Variants in COL4A4 observed in about 807,000 individuals in gnomAD.
COL4A4 encodes collagen type IV alpha 4 chain.
COL4A4 carries 105 observed loss-of-function variants against 192.9 expected under a neutral mutation model. The observed-to-expected ratio is 0.54, with a 90% CI of 0.46 to 0.64. The LOEUF (loss-of-function observed/expected upper bound fraction) is 0.64. Among genes scored for constraint, COL4A4 ranks in the 30% least tolerant of loss-of-function variants. The pLI, the probability that COL4A4 is intolerant of heterozygous loss-of-function variation, is 0.00. For synonymous variants in COL4A4, 762 were observed against 769.9 expected (o/e 0.99, Z 0.17); for missense variants, 1,967 against 2,169.3 (o/e 0.91, Z 1.85).
chr2:227,030,387 T>A, intron 41 of COL4A4, 56 bp downstream of exon 41: 1 of 1,587,556 alleles, frequency 6.3e-7, no homozygotes, highest in Middle Eastern at 1.7e-4. Context: ...CCCCAGACCC[T>A]CAAGGGTAAG....
chr2:227,111,838 G>T, intron 8 of COL4A4, 125 bp from the exon 9 acceptor site: 1 of 1,017,774 alleles, frequency 9.8e-7, no homozygotes, highest in Non-Finnish European at 1.5e-6. Flanking sequence ...AATTTTTTTG[G>T]TGTTGACTAA....
Position 227,101,493 on chromosome 2 carries a change from T to G in COL4A4, c.1029+11A>C. The G allele has an allele frequency of 1.9e-6, 3 of 1,602,330 alleles. No homozygotes were observed. The highest frequency in any genetic ancestry group is 2.6e-6 in the Non-Finnish European group (3 of 1,172,966). ...TTTATCAGGATATATTAAAATAGGCTCACTTTTTACCTTTGGGCCAATTAA... is the reference window on the plus strand; with the variant it reads ...TTTATCAGGATATATTAAAATAGGCGCACTTTTTACCTTTGGGCCAATTAA... On this transcript the variant is annotated intron_variant, in intron 17 of 47. Transcript: ENST00000396625.
intron 44 of COL4A4, among the ~76,000 whole-genome samples, chr2:227,019,297 A>G (rs371041417): frequency 2.0e-5 from 3 of 152,338 alleles, no homozygotes; most frequent in East Asian, 3.9e-4. Flanking sequence ...TAAGGAGTGC[A>G]TTCATATAAC....
chr2:227,023,441 CAAAAAA>C (rs60646267), intron 43 of COL4A4, among the ~76,000 whole-genome samples: 1 of 124,316 alleles, frequency 8.0e-6, no homozygotes, highest in African/African-American at 3.0e-5. Flanking sequence ...GATTCCATCT[CAAAAAA>C]AAAAAAAAGA....
At chr2:227,083,645 G>A (rs1445852838) in intron 22 of COL4A4, among the ~76,000 whole-genome samples, 1 of 151,946 alleles carries the variant, frequency 6.6e-6, no homozygotes, top group East Asian at 1.9e-4. Context: ...GTAGAGATGG[G>A]GTCTTGCTGT....
At chr2:227,001,094 TTTTTTC>T (rs1960842803), downstream of COL4A4, among the ~76,000 whole-genome samples, 1 of 150,094 alleles carries the variant, frequency 6.7e-6, no homozygotes, top group Non-Finnish European at 1.5e-5. Context: ...ATTTCTTTTC[TTTTTTC>T]TTTTTTTTTT....
chr2:227,056,963 G>A (rs7606504), intron 29 of COL4A4, among the ~76,000 whole-genome samples: 25,653 of 152,124 alleles, frequency 0.17, 2,844 homozygotes, highest in African/African-American at 0.32. Flanking sequence ...AGAGCAGTGC[G>A]AATGGACTAA....
At chr2:226,982,989 GCATAA>G in the COL4A4 span, among the ~76,000 whole-genome samples, 885 of 152,332 alleles carry the variant, frequency 5.8e-3, 8 homozygotes, top group African/African-American at 0.021. Context: ...GTTGAGCATA[GCATAA>G]CCTAGGAAAC....
chr2:227,122,447 G>A (rs1480358431), intron 4 of COL4A4, among the ~76,000 whole-genome samples: 1 of 152,226 alleles, frequency 6.6e-6, no homozygotes, highest in Non-Finnish European at 1.5e-5. Context: ...AAGCTTGGCA[G>A]GGTTTAGGAG....
chr2:227,049,556 T>C (rs1249891200), intron 34 of COL4A4, among the ~76,000 whole-genome samples: 1 of 151,922 alleles, frequency 6.6e-6, no homozygotes, highest in Non-Finnish European at 1.5e-5. Flanking sequence ...ATAATAATAA[T>C]AATAAAAAAC....
At chr2:227,061,646 A>C (rs1977080324) in intron 26 of COL4A4, among the ~76,000 whole-genome samples, 1 of 152,238 alleles carries the variant, frequency 6.6e-6, no homozygotes, top group Non-Finnish European at 1.5e-5. Context: ...ATTTGATGGT[A>C]GAGAGAGTAA....
chr2:227,050,813 G>A (rs984000086), intron 33 of COL4A4, among the ~76,000 whole-genome samples, 164 bp downstream of exon 33: 11 of 152,188 alleles, frequency 7.2e-5, no homozygotes, highest in African/African-American at 2.7e-4. Flanking sequence ...CAGTTTCATC[G>A]TGGCCTTCTA....
chr2:227,080,646 G>T, intron 23 of COL4A4, 97 bp from the exon 24 acceptor site: 1 of 1,081,454 alleles, frequency 9.2e-7, no homozygotes. Flanking sequence ...TTGATTCTGG[G>T]TTGGTAGTTT....
the COL4A4 span, among the ~76,000 whole-genome samples, chr2:226,978,014 A>T: frequency 6.6e-6 from 1 of 152,218 alleles, no homozygotes; most frequent in East Asian, 1.9e-4. Context: ...TCATAGAAGT[A>T]TGTTCCATTT....
chr2:227,055,684 A>G (rs1180984168), intron 30 of COL4A4, among the ~76,000 whole-genome samples: 1 of 152,004 alleles, frequency 6.6e-6, no homozygotes, highest in East Asian at 1.9e-4. Flanking sequence ...TCCCGACCCT[A>G]GGAGTTTACC....
chr2:227,157,246 C>G (rs964708592), intron 1 of COL4A4, among the ~76,000 whole-genome samples: 1 of 151,870 alleles, frequency 6.6e-6, no homozygotes, highest in Non-Finnish European at 1.5e-5. Flanking sequence ...ATGTTTTGAG[C>G]TGAATGATAA....
At position 227,027,994 on chromosome 2, in the gene COL4A4, G is replaced by T; in HGVS notation, c.3989C>A (p.Pro1330Gln). Reference protein sequence around the residue: ...KDGQKGPVGFPGPQGPHGFPG... With the variant: ...KDGQKGPVGFQGPQGPHGFPG... ...AAATCCATGTGGTCCCTGCGGTCCC[G>T]GGAATCCCACTGGTCCTTAAAAAAA... The change falls in exon 42 of 48, where the codon CCG becomes CAG. Residue 1330 changes from proline (P) to glutamine (Q), a missense_variant. Pro to Gln is a moderately conservative substitution (Grantham distance 76). Coordinates refer to ENST00000396625, the MANE Select transcript of COL4A4 (RefSeq NM_000092.5). The T allele has an allele frequency of 6.2e-7, 1 of 1,611,078 alleles. No individual in the cohort carries two copies. Among genetic ancestry groups the T allele is most frequent in the Non-Finnish European group, 8.5e-7 (1 of 1,178,024 alleles).
intron 25 of COL4A4, among the ~76,000 whole-genome samples, chr2:227,069,294 A>G (rs1257393388): frequency 6.6e-6 from 1 of 152,040 alleles, no homozygotes; most frequent in Non-Finnish European, 1.5e-5. Context: ...CATACTGCCC[A>G]AGGCAATTTA....
chr2:227,109,038 T>G, intron 10 of COL4A4, 170 bp from the exon 11 acceptor site: 1 of 884,704 alleles, frequency 1.1e-6, no homozygotes, highest in South Asian at 1.3e-5. Context: ...ATGATGTCAG[T>G]GGCTCATCCG....
Sources: allele counts gnomAD v4.1 joint callset (sites outside exome capture counted in the v4.1 genomes callset), GRCh38; gene constraint gnomAD v4.1.1; transcripts MANE v1.5; gene names NCBI Gene and HGNC (gene_info 2026-07-23, HGNC 2026-07-21).